Variants in NFRKB observed in about 807,000 individuals in gnomAD.
NFRKB encodes nuclear factor related to kappaB binding protein.
In NFRKB, 62 loss-of-function variants were observed where a neutral mutation model predicts 135.7. The ratio of observed to expected loss-of-function variants is 0.46; its 90% confidence interval spans 0.37 to 0.56. NFRKB has a LOEUF of 0.56. Ranked by LOEUF, NFRKB falls within the 20% of genes least tolerant of loss-of-function variation. The pLI is 0.00. For synonymous variants in NFRKB, 678 were observed against 635.6 expected (o/e 1.07, Z -1.00); for missense variants, 1,545 against 1,662.0 (o/e 0.93, Z 1.22).
At position 129,888,534 on chromosome 11, in the gene NFRKB, A is replaced by G. The variant is rs747655638; in HGVS notation, c.337+60T>C. 19 of 1,456,520 alleles carry G rather than the reference A, an allele frequency of 1.3e-5. No homozygotes were observed. The African/African-American group carries it at 2.5e-4, about 19-fold the overall frequency. 90.2% of individuals were successfully genotyped at this position (1,456,520 alleles called of 1,614,324 possible). The stretch of plus-strand genomic sequence containing the variant: ...AGAAAAGGAAGAAAGGAATACCCAC[A>G]TAAAGTGAACGTGTGCCCATCCACC... On this transcript the variant is annotated intron_variant, in intron 4 of 26. Transcript: ENST00000682444.
chr11:129,874,696 T>C lies in NFRKB; in HGVS notation c.1978+97A>G. The C allele has an allele frequency of 6.2e-7, 1 of 1,606,442 alleles. No homozygotes were observed. The highest frequency in any genetic ancestry group is 1.1e-5 in the South Asian group (1 of 90,482). On this transcript the variant is annotated intron_variant, in intron 19 of 26. Coordinates refer to ENST00000682444, the MANE Select transcript of NFRKB (RefSeq NM_001143835.2). The surrounding 1 kb of genome is among the most constrained non-coding windows in gnomAD (Gnocchi z 4.5). Reference sequence around the variant, plus strand: ...ACTGAATCCTGCCTCTACCATCTTGTCCTACCTATATGCCAATGAAAAGAA... The same window carrying C: ...ACTGAATCCTGCCTCTACCATCTTGCCCTACCTATATGCCAATGAAAAGAA...
In NFRKB at chr11:129,877,361, G is replaced by A. The variant is rs756722021; in HGVS notation, c.1536C>T (p.Pro512=). The A allele has an allele frequency of 1.2e-6, 2 of 1,614,040 alleles. No homozygotes were observed. The highest frequency in any genetic ancestry group is 1.7e-5 in the Admixed American group (1 of 60,000). ...PRVRTDYVVR[P]STGEEKRVFQ... ...AAACCCGTTTCTCCTCCCCCGTGCTGGGACGCACCACATAGTCAGTTCTTC... is the reference window on the plus strand; with the variant it reads ...AAACCCGTTTCTCCTCCCCCGTGCTAGGACGCACCACATAGTCAGTTCTTC... Residue 512 remains proline (P), a synonymous_variant, in exon 16 of 27, where the codon CCC becomes CCT. Transcript: ENST00000682444.
At chr11:129,888,501 T>G in intron 4 of NFRKB, 93 bp downstream of exon 4, 1 of 1,256,832 alleles carries the variant, frequency 8.0e-7, no homozygotes, top group Non-Finnish European at 1.2e-6. Flanking sequence ...TACATGAAGA[T>G]AAAAAGAAGA....
chr11:129,877,253 A>C lies in NFRKB; in HGVS notation c.1572+72T>G. ...TTTCTTGCAAGAAGGTAGATGCAGG[A>C]GAGTCAGGCTCAGAGCATCTCTCTG... On this transcript the variant is annotated intron_variant, in intron 16 of 26. Coordinates refer to ENST00000682444, the MANE Select transcript of NFRKB (RefSeq NM_001143835.2). The C allele has an allele frequency of 5.7e-6, 8 of 1,412,562 alleles. 1 individual carries two copies. The South Asian group carries it at 8.0e-5, about 14-fold the overall frequency. The allele number at this position is 1,412,562 out of a possible 1,614,324, so 87.5% of individuals were successfully genotyped here. A position where few individuals can be genotyped will look rare whatever the true frequency, so the allele number is the denominator to read the frequency against.
rs1009984586 is a variant in NFRKB at position 129,864,499 on chromosome 11, T to C, written c.*226A>G. 9.5e-6 allele frequency: 5 copies of C among 525,384 alleles called. No homozygotes were observed. The highest frequency in any genetic ancestry group is 7.6e-5 in the African/African-American group (4 of 52,618). The allele number at this position is 525,384 out of a possible 1,614,324, so 32.5% of individuals were successfully genotyped here. On this transcript the variant is annotated 3_prime_UTR_variant, in exon 27 of 27. Transcript: ENST00000682444. The stretch of plus-strand genomic sequence containing the variant: ...AATTTCAACAGAATATTCTCCTAGA[T>C]TGGTAGAGAGCAGACCTTGGAACCC...
chr11:129,885,252 C>G (rs75511548), intron 6 of NFRKB, among the ~76,000 whole-genome samples, 183 bp downstream of exon 6: 36 of 152,172 alleles, frequency 2.4e-4, no homozygotes, highest in Admixed American at 9.2e-4. Flanking sequence ...CACTCCCCAT[C>G]TGATGGCAAT....
intron 22 of NFRKB, 40 bp from the exon 23 acceptor site, chr11:129,873,136 A>G: frequency 1.3e-6 from 2 of 1,505,380 alleles, no homozygotes; most frequent in Non-Finnish European, 1.8e-6. Flanking sequence ...ATTAGACTCT[A>G]AGATGCAGAC....
In NFRKB at chr11:129,892,827, A is replaced by G. The variant is rs139713186; in HGVS notation, c.23T>C (p.Leu8Pro). ...CGGACCAAGTTCCAGAGGATCTGTC[A>G]GCATATGGTCTAAGGAATCCATTGT... MDSLDHM[L>P]TDPLELGPCG... is the part of the protein sequence containing the mutation. The change falls in exon 3 of 27, where the codon CTG becomes CCG. Residue 8 changes from leucine (L) to proline (P), a missense_variant. Transcript: ENST00000682444. The G allele has an allele frequency of 7.4e-6, 12 of 1,614,104 alleles. No individual in the cohort carries two copies. The African/African-American group carries it at 1.6e-4, about 22-fold the overall frequency.
intron 10 of NFRKB, 76 bp downstream of exon 10, chr11:129,882,375 A>C: frequency 6.6e-7 from 1 of 1,507,094 alleles, no homozygotes; most frequent in South Asian, 1.2e-5. Flanking sequence ...AGCTACGACA[A>C]GCCCTAGGGG....
intron 3 of NFRKB, among the ~76,000 whole-genome samples, chr11:129,889,852 G>A (rs1170492527): frequency 6.6e-6 from 1 of 151,676 alleles, no homozygotes; most frequent in Non-Finnish European, 1.5e-5. Flanking sequence ...GTGGGGGAAT[G>A]GAGAGGGATA....
In NFRKB at chr11:129,865,992, A is replaced by G. The variant is rs1379006857; in HGVS notation, c.3532-9T>C. On this transcript the variant is annotated splice_polypyrimidine_tract_variant and intron_variant, in intron 24 of 26. Transcript: ENST00000682444. The stretch of plus-strand genomic sequence containing the variant: ...CGTGTAGGCAACTTCCCCTAGAAAA[A>G]AAAAGCAGTCAGGTTTTGTAAGACA... 2.5e-6 allele frequency: 4 copies of G among 1,582,808 alleles called. No homozygotes were observed. The South Asian group carries it at 4.6e-5, about 18-fold the overall frequency.
chr11:129,881,426 T>C lies in NFRKB; in HGVS notation c.1384+17A>G, dbSNP rs757206521. Reference sequence around the variant, plus strand: ...GAGAACGAAAACCTGTTGGGGTAGGTAATACGGATCACTTACCAAGCAACT... The same window carrying C: ...GAGAACGAAAACCTGTTGGGGTAGGCAATACGGATCACTTACCAAGCAACT... On this transcript the variant is annotated intron_variant, in intron 13 of 26. Coordinates refer to ENST00000682444, the MANE Select transcript of NFRKB (RefSeq NM_001143835.2). The C allele has an allele frequency of 3.1e-6, 5 of 1,613,444 alleles. No homozygotes were observed. The highest frequency in any genetic ancestry group is 3.4e-6 in the Non-Finnish European group (4 of 1,179,412).
In NFRKB at chr11:129,873,017, A is replaced by C; in HGVS notation, c.2630T>G (p.Leu877Arg). ...TGTGGCAGGGAGACTTGTCACCGTG[A>C]GCCCTGTCTGCCCGGGTCCAGGCCG... ...VQRPGPGQTGLTVTSLPATAS... is the reference protein window; with the variant it reads ...VQRPGPGQTGRTVTSLPATAS... The change falls in exon 23 of 27, where the codon CTC (leucine) becomes CGC (arginine). Residue 877 changes from leucine to arginine, a missense_variant. Leu to Arg is a moderately radical substitution (Grantham distance 102). Around this residue, in one of 3 missense-constraint regions of NFRKB, gnomAD observed 753 missense variants for 804.3 expected, o/e 0.94. Transcript: ENST00000682444. The C allele has an allele frequency of 6.2e-7, 1 of 1,614,214 alleles. No individual in the cohort carries two copies. The highest frequency in any genetic ancestry group is 1.7e-4 in the Middle Eastern group (1 of 6,058).
At chr11:129,870,460 G>A (rs1345639795) in intron 23 of NFRKB, among the ~76,000 whole-genome samples, 199 bp from the exon 24 acceptor site, 1 of 152,016 alleles carries the variant, frequency 6.6e-6, no homozygotes, top group Non-Finnish European at 1.5e-5. Flanking sequence ...TTAATACTTT[G>A]TTTTAGCTAT....
At chr11:129,864,884 T>A in intron 26 of NFRKB, 34 bp from the exon 27 acceptor site, 3 of 1,614,002 alleles carry the variant, frequency 1.9e-6, no homozygotes, top group Non-Finnish European at 2.5e-6. Flanking sequence ...GGTCAATGGA[T>A]TGCAAGCGGG....
At chr11:129,864,881 G>A (rs902006975) in intron 26 of NFRKB, 31 bp from the exon 27 acceptor site, 11 of 1,613,980 alleles carry the variant, frequency 6.8e-6, no homozygotes, top group Non-Finnish European at 7.6e-6. Flanking sequence ...TCAGGTCAAT[G>A]GATTGCAAGC....
chr11:129,877,252 G>A (rs1371504792), intron 16 of NFRKB, 73 bp downstream of exon 16: 7 of 1,411,950 alleles, frequency 5.0e-6, no homozygotes, highest in African/African-American at 4.2e-5. Flanking sequence ...GTAGATGCAG[G>A]AGAGTCAGGC....
rs1037999454 is a variant in NFRKB, at chr11:129,882,470, T to C, written c.1063A>G (p.Ile355Val). 4.3e-6 allele frequency: 7 copies of C among 1,613,064 alleles called. No individual in the cohort carries two copies. Among genetic ancestry groups the C allele is most frequent in the Admixed American group, 3.3e-5 (2 of 59,766 alleles). ...ACTTACTCTTCCTTGATAGCAGGAA[T>C]TGCCAGCGGAGAGGGGGCCTGTGAG... is the stretch of plus-strand genomic sequence containing the variant. The part of the protein sequence containing the change: ...PLSQAPSPLA[I>V]PAIKEEPLED... Residue 355 changes from isoleucine (I) to valine (V), a missense_variant, in exon 10 of 27, where the codon ATT becomes GTT. Ile to Val is a conservative substitution (Grantham distance 29). Around this residue, in one of 3 missense-constraint regions of NFRKB, gnomAD observed 678 missense variants for 646.7 expected, o/e 1.05. Transcript: ENST00000682444.
At chr11:129,865,598 T>C (rs1316681377) in intron 25 of NFRKB, among the ~76,000 whole-genome samples, 1 of 152,216 alleles carries the variant, frequency 6.6e-6, no homozygotes, top group South Asian at 2.1e-4. Flanking sequence ...CACACCCTTT[T>C]CTCTCCAGTA....
Sources: allele counts gnomAD v4.1 joint callset (sites outside exome capture counted in the v4.1 genomes callset), GRCh38; gene constraint gnomAD v4.1.1; regional missense constraint gnomAD v4.1.1; non-coding constraint Gnocchi (gnomAD v3.1); transcripts MANE v1.5; gene names NCBI Gene and HGNC (gene_info 2026-07-23, HGNC 2026-07-21).